Variants in ASTN2 observed in about 807,000 individuals in gnomAD.
The protein encoded by ASTN2 is astrotactin 2.
Under a neutral mutation model 139.8 loss-of-function variants are expected in ASTN2, and 54 were observed. That is an observed-to-expected ratio of 0.39 (90% CI 0.31 to 0.48). The LOEUF (loss-of-function observed/expected upper bound fraction) is 0.48. Ranked by LOEUF, ASTN2 falls within the 20% of genes least tolerant of loss-of-function variation. The pLI, the probability that ASTN2 is intolerant of heterozygous loss-of-function variation, is 0.95. For missense variants in ASTN2, 1,565 were observed against 1,725.1 expected, an observed-to-expected ratio of 0.91 and a Z score of 1.64; for synonymous variants, 756 against 719.5, an observed-to-expected ratio of 1.05 and a Z score of -0.81.
intron 19 of ASTN2, among the ~76,000 whole-genome samples, chr9:116,520,037 C>A (rs1369488001): frequency 6.6e-6 from 1 of 151,992 alleles, no homozygotes; most frequent in Non-Finnish European, 1.5e-5. Context: ...AAGAAATAGT[C>A]CAGGACCAGA....
intron 3 of ASTN2, among the ~76,000 whole-genome samples, chr9:117,206,830 A>G (rs1469438351): frequency 2.0e-5 from 3 of 152,174 alleles, no homozygotes; most frequent in African/African-American, 7.2e-5. Context: ...AGCAGCTGAT[A>G]TAACTCCAGG....
At chr9:116,495,173 C>G (rs923790730) in intron 19 of ASTN2, among the ~76,000 whole-genome samples, 2 of 152,188 alleles carry the variant, frequency 1.3e-5, no homozygotes, top group East Asian at 3.9e-4. Flanking sequence ...CTGAGAGTTT[C>G]TGTGTGCCAG....
chr9:117,250,244 A>G (rs1181836488), intron 2 of ASTN2, among the ~76,000 whole-genome samples: 2 of 152,178 alleles, frequency 1.3e-5, no homozygotes, highest in African/African-American at 2.4e-5. Flanking sequence ...TGCTGGTCCA[A>G]TTCTTTTCAA....
At chr9:117,222,353 C>T (rs1832552027) in intron 2 of ASTN2, among the ~76,000 whole-genome samples, 1 of 152,158 alleles carries the variant, frequency 6.6e-6, no homozygotes, top group Non-Finnish European at 1.5e-5. Context: ...ACAGAGAAGG[C>T]ATGGTGCCAA....
chr9:116,508,345 T>G (rs1257448574), intron 19 of ASTN2, among the ~76,000 whole-genome samples: 1 of 152,176 alleles, frequency 6.6e-6, no homozygotes, highest in East Asian at 1.9e-4. Flanking sequence ...AAGGTCAACA[T>G]TGTCATCACC....
chr9:116,857,233 G>A (rs549545877), intron 11 of ASTN2, among the ~76,000 whole-genome samples: 13 of 152,076 alleles, frequency 8.5e-5, no homozygotes, highest in Non-Finnish European at 1.6e-4. Flanking sequence ...TGATAGTTCC[G>A]GGTAGGTGAT....
In ASTN2 at chr9:116,956,004, C is replaced by A. The variant is rs535559841; in HGVS notation, c.1889+19204G>T. Among the ~76,000 whole-genome samples the A allele has an allele frequency of 2.6e-5, 4 of 152,132 alleles. No individual in the cohort carries two copies. In the South Asian group the frequency reaches 6.2e-4, roughly 24 times the overall value. ...CCAGAATTTCCCAACATTGGCTGTA[C>A]AGCAGAACGAACTGAGAGCTTTAAA... On this transcript the variant is annotated intron_variant, in intron 10 of 22. Coordinates refer to ENST00000313400, the MANE Select transcript of ASTN2 (RefSeq NM_001365068.1).
chr9:117,313,966 C>G (rs537852041), intron 1 of ASTN2, among the ~76,000 whole-genome samples: 1 of 152,276 alleles, frequency 6.6e-6, no homozygotes, highest in South Asian at 2.1e-4. Context: ...TCCCACTTCT[C>G]CCTTCCTAAA....
intron 19 of ASTN2, among the ~76,000 whole-genome samples, chr9:116,600,344 A>AAG (rs1554719075): frequency 8.7e-4 from 124 of 142,454 alleles, no homozygotes; most frequent in African/African-American, 3.3e-3. Flanking sequence ...AAAAAAAAAA[A>AAG]AAAGAAAGAA....
intron 1 of ASTN2, among the ~76,000 whole-genome samples, chr9:117,342,880 C>T (rs910082095): frequency 6.6e-6 from 1 of 152,182 alleles, no homozygotes; most frequent in Non-Finnish European, 1.5e-5. Flanking sequence ...CTGTGGCATA[C>T]TTTGAGTCTT....
chr9:116,617,735 A>G lies in ASTN2; in HGVS notation c.3355+589T>C, dbSNP rs574655832. 2.0e-5 allele frequency among the ~76,000 whole-genome samples: 3 copies of G among 152,380 alleles called. No homozygotes were observed. In the South Asian group the frequency reaches 6.2e-4, roughly 32 times the overall value. On this transcript the variant is annotated intron_variant, in intron 19 of 22. Coordinates refer to ENST00000313400, the MANE Select transcript of ASTN2 (RefSeq NM_001365068.1). ...GAATGGAAGTCTCAACAGAGAACAG[A>G]AAATGTAAGCCCCAGTACAGATCAC...
Position 116,806,572 on chromosome 9 carries a change from T to C in ASTN2, c.2208-752A>G, listed in dbSNP as rs140331441. ...TGTCTACCTTTTCAAAGTTCAGCGC[T>C]AAGCACTAGGAGTATGGTGCACATA... On this transcript the variant is annotated intron_variant, in intron 12 of 22. Transcript: ENST00000313400. Among the ~76,000 whole-genome samples, 79 of 152,276 alleles carry C rather than the reference T, an allele frequency of 5.2e-4. 1 individual carries two copies. The East Asian group carries it at 0.014, about 27-fold the overall frequency.
intron 11 of ASTN2, among the ~76,000 whole-genome samples, chr9:116,854,675 C>T (rs1015507990): frequency 7.4e-6 from 1 of 135,152 alleles, no homozygotes; most frequent in East Asian, 2.2e-4. Context: ...TTTTTTGAGA[C>T]AAGTCTCCCT....
intron 5 of ASTN2, among the ~76,000 whole-genome samples, chr9:117,089,097 G>C (rs1828638772): frequency 6.6e-6 from 1 of 152,178 alleles, no homozygotes; most frequent in South Asian, 2.1e-4. Flanking sequence ...TTTTCTCACT[G>C]CCCAGCAGCA....
chr9:117,087,202 TTTTTCATTTTTTTCTTTTTGTTTG>T lies in ASTN2; in HGVS notation c.1276+8818_1276+8841del, dbSNP rs1313355849. ...AATGTTTATTGTTTTTTTCTTTTCC[TTTTTCATTTTTTTCTTTTTGTTTG>T]TTTGTTTGTTTGTTTGTTTGTTTTT... is the stretch of plus-strand genomic sequence containing the variant. On this transcript the variant is annotated intron_variant, in intron 5 of 22. Coordinates refer to ENST00000313400, the MANE Select transcript of ASTN2 (RefSeq NM_001365068.1). Among the ~76,000 whole-genome samples, 15 of 148,548 alleles carry T rather than the reference TTTTTCATTTTTTTCTTTTTGTTTG, an allele frequency of 1.0e-4. No individual in the cohort carries two copies. The South Asian group carries it at 1.5e-3, about 15-fold the overall frequency.
At chr9:116,967,910 T>A (rs909799222) in intron 10 of ASTN2, among the ~76,000 whole-genome samples, 6 of 152,168 alleles carry the variant, frequency 3.9e-5, no homozygotes, top group Non-Finnish European at 7.3e-5. Context: ...ACATCCCTTC[T>A]TTATACCGCT....
At chr9:117,397,739 C>T (rs1830714155) in intron 1 of ASTN2, among the ~76,000 whole-genome samples, 1 of 152,150 alleles carries the variant, frequency 6.6e-6, no homozygotes, top group African/African-American at 2.4e-5. Flanking sequence ...GACCAACTGC[C>T]AGTCTAAATG....
In ASTN2 at chr9:116,498,188, C is replaced by T. The variant is rs552847857; in HGVS notation, c.3356-10688G>A. ...CTACCCAGCAAAGCTAGAACTTGAACCCAGGTTGATCCAATTCCAAAGCCT... is the reference window on the plus strand; with the variant it reads ...CTACCCAGCAAAGCTAGAACTTGAATCCAGGTTGATCCAATTCCAAAGCCT... On this transcript the variant is annotated intron_variant, in intron 19 of 22. Coordinates refer to ENST00000313400, the MANE Select transcript of ASTN2 (RefSeq NM_001365068.1). 7.9e-5 allele frequency among the ~76,000 whole-genome samples: 12 copies of T among 152,300 alleles called. 1 individual carries two copies. In the South Asian group the frequency reaches 2.3e-3, roughly 29 times the overall value.
At chr9:117,354,589 C>T (rs1829484453) in intron 1 of ASTN2, among the ~76,000 whole-genome samples, 1 of 152,200 alleles carries the variant, frequency 6.6e-6, no homozygotes, top group East Asian at 1.9e-4. Flanking sequence ...TGTTACTGAT[C>T]TGTCTTTTCT....
Sources: allele counts gnomAD v4.1 joint callset (sites outside exome capture counted in the v4.1 genomes callset), GRCh38; gene constraint gnomAD v4.1.1; transcripts MANE v1.5; gene names NCBI Gene and HGNC (gene_info 2026-07-23, HGNC 2026-07-21).